The following PACRG variants were observed in gnomAD, a reference collection of about 807,000 sequenced individuals.
PACRG encodes the protein parkin coregulated, also known as parkin coregulated gene protein.
Under a neutral mutation model 29.7 loss-of-function variants are expected in PACRG, and 29 were observed. The observed-to-expected ratio is 0.98, with a 90% CI of 0.73 to 1.33. PACRG has a LOEUF of 1.33. Ranked by LOEUF, PACRG falls within the 40% of genes most tolerant of loss-of-function variation. PACRG has a pLI of 0.00. For missense variants in PACRG, 279 were observed against 316.2 expected (o/e 0.88, Z 0.89); for synonymous variants, 116 against 118.7 (o/e 0.98, Z 0.15).
chr6:163,263,172 A>T (rs1328980280), intron 4 of PACRG, among the ~76,000 whole-genome samples: 1 of 136,496 alleles, frequency 7.3e-6, no homozygotes, highest in Non-Finnish European at 1.6e-5. Context: ...AGACCCCAGG[A>T]GGCCTTTCAA....
chr6:162,769,283 G>A (rs958131986), intron 1 of PACRG, among the ~76,000 whole-genome samples: 4 of 151,650 alleles, frequency 2.6e-5, no homozygotes, highest in African/African-American at 9.7e-5. Context: ...AAAAGAATAA[G>A]CCTTTATTTT....
chr6:163,302,415 T>C (rs746628954), intron 4 of PACRG, among the ~76,000 whole-genome samples: 1 of 152,220 alleles, frequency 6.6e-6, no homozygotes, highest in African/African-American at 2.4e-5. Context: ...AACTCACCAG[T>C]GTAGAAGCTG....
At chr6:163,297,677 A>T (rs745690484) in intron 4 of PACRG, among the ~76,000 whole-genome samples, 1 of 152,174 alleles carries the variant, frequency 6.6e-6, no homozygotes, top group Non-Finnish European at 1.5e-5. Flanking sequence ...CACTTTTCAC[A>T]TACAAACCAA....
intron 2 of PACRG, among the ~76,000 whole-genome samples, chr6:162,968,168 G>GTTTCTCTACTCCTCAGAA (rs1801209254): frequency 6.6e-6 from 1 of 151,974 alleles, no homozygotes; most frequent in African/African-American, 2.4e-5. Context: ...ACTCCTCAGA[G>GTTTCTCTACTCCTCAGAA]AGTTTCTCTC....
At chr6:163,067,624 A>T (rs1306741341) in intron 3 of PACRG, among the ~76,000 whole-genome samples, 2 of 152,206 alleles carry the variant, frequency 1.3e-5, no homozygotes, top group Admixed American at 6.5e-5. Flanking sequence ...ACAAAAGGAA[A>T]ACCAAATAAT....
intron 2 of PACRG, among the ~76,000 whole-genome samples, chr6:163,058,606 C>T (rs896828825): frequency 4.6e-5 from 7 of 151,644 alleles, no homozygotes; most frequent in African/African-American, 1.2e-4. Flanking sequence ...TAAAAAAATA[C>T]GAAATTAAGG....
chr6:163,286,567 A>G (rs1190799172), intron 4 of PACRG, among the ~76,000 whole-genome samples: 1 of 152,244 alleles, frequency 6.6e-6, no homozygotes, highest in African/African-American at 2.4e-5. Flanking sequence ...TAATATGATC[A>G]TAATTTCTGC....
At chr6:163,197,700 C>T (rs1333967917) in intron 4 of PACRG, among the ~76,000 whole-genome samples, 6 of 151,992 alleles carry the variant, frequency 3.9e-5, no homozygotes, top group East Asian at 3.9e-4. Context: ...CCGCCTGCCT[C>T]GGCCTCCCAA....
chr6:162,975,388 G>GTACT (rs1801866333), intron 2 of PACRG, among the ~76,000 whole-genome samples: 1 of 152,168 alleles, frequency 6.6e-6, no homozygotes, highest in Non-Finnish European at 1.5e-5. Flanking sequence ...ATACAAGATA[G>GTACT]TATTGCAATA....
chr6:163,195,996 C>T (rs1780436395), intron 4 of PACRG, among the ~76,000 whole-genome samples: 1 of 152,150 alleles, frequency 6.6e-6, no homozygotes, highest in South Asian at 2.1e-4. Context: ...AAGCAGGGAT[C>T]CCAGAGACCC....
At chr6:163,282,059 G>T (rs1784242629) in intron 4 of PACRG, among the ~76,000 whole-genome samples, 2 of 151,468 alleles carry the variant, frequency 1.3e-5, no homozygotes, top group African/African-American at 4.9e-5. Context: ...TTATTGTTTG[G>T]GTCACTTGAA....
At chr6:163,312,626 A>G (rs1785470313) in intron 4 of PACRG, among the ~76,000 whole-genome samples, 1 of 151,478 alleles carries the variant, frequency 6.6e-6, no homozygotes, top group African/African-American at 2.5e-5. Flanking sequence ...AAACCGGTGG[A>G]CTTCAAATGC....
chr6:162,911,018 T>C (rs1467291263), intron 2 of PACRG, among the ~76,000 whole-genome samples: 2 of 152,218 alleles, frequency 1.3e-5, no homozygotes, highest in Non-Finnish European at 2.9e-5. Flanking sequence ...CAAACTCTGG[T>C]ATACTAAGAA....
chr6:162,924,863 C>A (rs1483123759), intron 2 of PACRG, among the ~76,000 whole-genome samples: 3 of 151,978 alleles, frequency 2.0e-5, no homozygotes, highest in Non-Finnish European at 2.9e-5. Context: ...TCAAAAAAAT[C>A]AATCAATCCA....
chr6:163,097,088 C>A (rs915195663), intron 4 of PACRG, among the ~76,000 whole-genome samples: 1 of 152,178 alleles, frequency 6.6e-6, no homozygotes, highest in Non-Finnish European at 1.5e-5. Context: ...TAGTGACCTA[C>A]GCATAGGGCT....
chr6:163,258,116 CAG>C (rs975928026), intron 4 of PACRG, among the ~76,000 whole-genome samples: 3 of 152,068 alleles, frequency 2.0e-5, no homozygotes, highest in African/African-American at 7.2e-5. Flanking sequence ...CATTTTTAAA[CAG>C]AATTTACTTC....
intron 4 of PACRG, among the ~76,000 whole-genome samples, chr6:163,183,921 G>A (rs1779791812): frequency 6.6e-6 from 1 of 152,166 alleles, no homozygotes; most frequent in African/African-American, 2.4e-5. Flanking sequence ...AATAAAATAT[G>A]GAGAGATTCT....
intron 4 of PACRG, among the ~76,000 whole-genome samples, chr6:163,138,331 G>A (rs1445919267): frequency 1.3e-5 from 2 of 152,154 alleles, no homozygotes; most frequent in Non-Finnish European, 2.9e-5. Context: ...CCATGGGGGC[G>A]TATCTGCCAC....
intron 1 of PACRG, among the ~76,000 whole-genome samples, chr6:162,759,452 A>G (rs1297938819): frequency 2.6e-5 from 4 of 152,224 alleles, no homozygotes; most frequent in Non-Finnish European, 5.9e-5. Context: ...GAAAATAAGC[A>G]GTAATAAATG....
Sources: gnomAD v4.1 joint callset for allele counts (sites outside exome capture counted in the v4.1 genomes callset) on GRCh38, gnomAD v4.1.1 for gene constraint, MANE v1.5 for transcripts, NCBI Gene and HGNC (gene_info 2026-07-23, HGNC 2026-07-21) for gene names.